The following PDE11A variants were observed in gnomAD, a reference collection of about 807,000 sequenced individuals.
PDE11A encodes dual 3',5'-cyclic-AMP and -GMP phosphodiesterase 11A.
A neutral mutation model predicts 100.5 loss-of-function variants in PDE11A; 100 were observed. The ratio of observed to expected loss-of-function variants is 1.00; its 90% CI spans 0.85 to 1.18. The LOEUF (loss-of-function observed/expected upper bound fraction) is 1.18, where lower values mean the gene tolerates loss of function less well. Ranked by LOEUF, PDE11A falls within the 50% of genes most tolerant of loss-of-function variation. The probability of loss-of-function intolerance (pLI) is 0.00; values close to 1 mark genes in which losing one functional copy is unlikely to be tolerated. For synonymous variants in PDE11A, 381 were observed against 420.8 expected, an observed-to-expected ratio of 0.91 and a Z score of 1.16; for missense variants, 1,141 against 1,152.6, an observed-to-expected ratio of 0.99 and a Z score of 0.15.
At chr2:178,101,817 T>A (rs1044643300) in intron 2 of PDE11A, among the ~76,000 whole-genome samples, 14 of 152,158 alleles carry the variant, frequency 9.2e-5, no homozygotes, top group Admixed American at 8.5e-4. Context: ...ACTTCCCAAA[T>A]ACAATGATAT....
chr2:177,661,722 C>A (rs1020294148), intron 19 of PDE11A, among the ~76,000 whole-genome samples: 6 of 152,164 alleles, frequency 3.9e-5, no homozygotes, highest in Non-Finnish European at 8.8e-5. Flanking sequence ...AAGATTTTCA[C>A]CCCCTGTTAA....
chr2:177,744,183 A>ATCTT (rs2081914452), intron 10 of PDE11A, among the ~76,000 whole-genome samples: 1 of 152,176 alleles, frequency 6.6e-6, no homozygotes, highest in South Asian at 2.1e-4. Context: ...GGGGAAGGGA[A>ATCTT]TAAAGGGATG....
At chr2:177,886,727 C>G (rs1021126122) in intron 4 of PDE11A, among the ~76,000 whole-genome samples, 5 of 152,072 alleles carry the variant, frequency 3.3e-5, no homozygotes, top group Non-Finnish European at 7.4e-5. Flanking sequence ...AAGTAGTGTA[C>G]AGAATGCCAG....
At chr2:177,795,957 A>ATC (rs1167527772) in intron 9 of PDE11A, among the ~76,000 whole-genome samples, 1 of 123,074 alleles carries the variant, frequency 8.1e-6, no homozygotes, top group African/African-American at 3.8e-5. Context: ...ATATATATAT[A>ATC]TATATATATA....
intron 2 of PDE11A, among the ~76,000 whole-genome samples, chr2:177,933,173 G>C (rs550280102): frequency 2.0e-5 from 3 of 151,852 alleles, no homozygotes; most frequent in Non-Finnish European, 2.9e-5. Context: ...TAAAAAGATC[G>C]TAGATGACAC....
chr2:177,925,666 G>C (rs1421290092), intron 2 of PDE11A, among the ~76,000 whole-genome samples: 2 of 152,142 alleles, frequency 1.3e-5, no homozygotes, highest in African/African-American at 2.4e-5. Context: ...GAAAACGTGG[G>C]GCAGATCTTC....
chr2:177,735,595 A>C (rs560057164), intron 10 of PDE11A, among the ~76,000 whole-genome samples: 1 of 152,232 alleles, frequency 6.6e-6, no homozygotes, highest in South Asian at 2.1e-4. Flanking sequence ...TCTCCCCTGA[A>C]GATGGTGCAA....
At chr2:178,079,058 T>C (rs1267710349) in intron 2 of PDE11A, among the ~76,000 whole-genome samples, 1 of 152,232 alleles carries the variant, frequency 6.6e-6, no homozygotes, top group Non-Finnish European at 1.5e-5. Context: ...TAGCAATCCA[T>C]AACTAGTATT....
At chr2:177,908,288 C>T (rs893464913) in intron 2 of PDE11A, among the ~76,000 whole-genome samples, 19 of 152,158 alleles carry the variant, frequency 1.2e-4, no homozygotes, top group Admixed American at 1.0e-3. Context: ...GTAGAGCAGG[C>T]AAAACCCAGT....
intron 2 of PDE11A, among the ~76,000 whole-genome samples, chr2:177,961,342 C>A (rs929500342): frequency 2.0e-5 from 3 of 152,094 alleles, no homozygotes; most frequent in Non-Finnish European, 4.4e-5. Context: ...CTTCATGGAG[C>A]CTGCCCTGAC....
chr2:177,720,770 TTAAC>T (rs2081514875), intron 12 of PDE11A, among the ~76,000 whole-genome samples: 1 of 152,218 alleles, frequency 6.6e-6, no homozygotes, highest in Non-Finnish European at 1.5e-5. Flanking sequence ...TTGGCATTAA[TTAAC>T]TATTGATTTA....
At chr2:177,944,929 T>C (rs1274729932) in intron 2 of PDE11A, among the ~76,000 whole-genome samples, 1 of 145,752 alleles carries the variant, frequency 6.9e-6, no homozygotes, top group Non-Finnish European at 1.5e-5. Flanking sequence ...GCAACCTCCC[T>C]GCCTGATTCT....
At chr2:177,774,915 C>T (rs1344201225) in intron 9 of PDE11A, among the ~76,000 whole-genome samples, 1 of 152,118 alleles carries the variant, frequency 6.6e-6, no homozygotes, top group Non-Finnish European at 1.5e-5. Flanking sequence ...AATCTTGTCA[C>T]CTTGAGATGG....
chr2:177,998,765 C>T (rs1227615588), intron 2 of PDE11A: 23 of 785,592 alleles, frequency 2.9e-5, no homozygotes, highest in Non-Finnish European at 4.5e-5. Context: ...CCTCTACCAT[C>T]GGCATGGTGA....
intron 12 of PDE11A, among the ~76,000 whole-genome samples, chr2:177,721,202 C>T (rs549761724): frequency 4.7e-4 from 72 of 152,184 alleles, no homozygotes; most frequent in South Asian, 8.3e-4. Context: ...ATATAATGAA[C>T]CCAGTGCAGT....
rs2079836232 is a variant in PDE11A, at chr2:177,626,545, C to T, written c.*2862G>A. The T allele has an allele frequency of 2.0e-5, 3 of 152,708 alleles. No homozygotes were observed. In the South Asian group the frequency reaches 6.2e-4, roughly 32 times the overall value. The allele number at this position is 152,708 out of a possible 1,614,324, so 9.5% of individuals were successfully genotyped here. On this transcript the variant is annotated 3_prime_UTR_variant, in exon 20 of 20. Coordinates refer to ENST00000286063, the MANE Select transcript of PDE11A (RefSeq NM_016953.4). ...GACTCCACCCACCCTTTGTTCCCCA[C>T]CTGAAGGAGGAGAGACAGCCCTGCA...
At chr2:178,041,903 T>A (rs1452884912) in intron 1 of PDE11A, among the ~76,000 whole-genome samples, 1 of 152,214 alleles carries the variant, frequency 6.6e-6, no homozygotes, top group East Asian at 1.9e-4. Context: ...ACCTTGAACA[T>A]AAATTTCTGA....
chr2:177,705,829 G>A (rs1198021435), intron 13 of PDE11A, among the ~76,000 whole-genome samples: 4 of 152,194 alleles, frequency 2.6e-5, no homozygotes, highest in East Asian at 1.9e-4. Context: ...GGCCGAAAGC[G>A]ACAAGATGGG....
At chr2:177,653,969 A>G (rs2080345369) in intron 19 of PDE11A, among the ~76,000 whole-genome samples, 1 of 152,134 alleles carries the variant, frequency 6.6e-6, no homozygotes, top group Non-Finnish European at 1.5e-5. Flanking sequence ...CTGGGAGATT[A>G]CTTCCTTCTT....
Sources: gnomAD v4.1 joint callset for allele counts (sites outside exome capture counted in the v4.1 genomes callset) on GRCh38, gnomAD v4.1.1 for gene constraint, MANE v1.5 for transcripts, NCBI Gene and HGNC (gene_info 2026-07-23, HGNC 2026-07-21) for gene names.